MACROD1: variants seen among roughly 807,000 people sequenced by gnomAD.
The protein encoded by MACROD1 is mono-ADP ribosylhydrolase 1, also known as ADP-ribose glycohydrolase MACROD1.
MACROD1 carries 31 observed loss-of-function variants against 41.4 expected under a neutral mutation model. The ratio of observed to expected loss-of-function variants is 0.75; its 90% CI spans 0.56 to 1.01. The LOEUF is 1.01. Among genes scored for constraint, MACROD1 ranks in the 50% least tolerant of loss-of-function variants. The pLI, the probability that MACROD1 is intolerant of heterozygous loss-of-function variation, is 0.00. For missense variants in MACROD1, 473 were observed against 460.0 expected (o/e 1.03, Z -0.26); for synonymous variants, 252 against 203.4 (o/e 1.24, Z -2.03).
At chr11:64,119,494 T>C (rs1319711779) in intron 3 of MACROD1, among the ~76,000 whole-genome samples, 1 of 150,946 alleles carries the variant, frequency 6.6e-6, no homozygotes, top group Middle Eastern at 3.2e-3. Context: ...TGTTCCCTCC[T>C]AGGACGGGTA....
intron 3 of MACROD1, chr11:64,118,357 C>T (rs1945036029): frequency 6.8e-7 from 1 of 1,476,518 alleles, no homozygotes; most frequent in Non-Finnish European, 9.0e-7. Flanking sequence ...GTGGCTTTGC[C>T]CAGCCTGCTG....
At chr11:64,157,186 G>T (rs1945682465) in intron 1 of MACROD1, among the ~76,000 whole-genome samples, 1 of 152,094 alleles carries the variant, frequency 6.6e-6, no homozygotes, top group African/African-American at 2.4e-5. Context: ...TCTGCCTCCT[G>T]GGTTCAAGCA....
At chr11:64,075,997 G>C (rs925312032) in intron 3 of MACROD1, among the ~76,000 whole-genome samples, 3 of 152,210 alleles carry the variant, frequency 2.0e-5, no homozygotes, top group Non-Finnish European at 1.5e-5. Context: ...TTGGCATGCT[G>C]CTACCTCAGG....
At chr11:64,009,965 G>A (rs1380362035) in intron 4 of MACROD1, among the ~76,000 whole-genome samples, 1 of 152,250 alleles carries the variant, frequency 6.6e-6, no homozygotes, top group Non-Finnish European at 1.5e-5. Context: ...TGGCCGGGGT[G>A]TTGGCTGGGA....
intron 3 of MACROD1, among the ~76,000 whole-genome samples, chr11:64,137,845 C>T (rs542020410): frequency 1.2e-4 from 18 of 152,320 alleles, no homozygotes; most frequent in Middle Eastern, 3.4e-3. Flanking sequence ...TTAGGAGATA[C>T]CCAGCTCAGC....
chr11:64,148,758 A>T (rs1237280584), intron 3 of MACROD1: 11 of 985,650 alleles, frequency 1.1e-5, no homozygotes, highest in Non-Finnish European at 1.3e-5. Flanking sequence ...GTTGCCAACG[A>T]CTTTTATTCC....
chr11:64,097,906 G>C (rs1223296255), intron 3 of MACROD1, among the ~76,000 whole-genome samples: 2 of 152,114 alleles, frequency 1.3e-5, no homozygotes, highest in African/African-American at 4.8e-5. Context: ...GGTGCTCCTG[G>C]GAGCACTCAG....
At chr11:64,100,783 T>C (rs1434466662) in intron 3 of MACROD1, among the ~76,000 whole-genome samples, 1 of 152,066 alleles carries the variant, frequency 6.6e-6, no homozygotes, top group Non-Finnish European at 1.5e-5. Context: ...GCCCCACTTA[T>C]CCAGGGCACA....
chr11:64,039,596 CCT>C (rs1943447465), intron 3 of MACROD1, among the ~76,000 whole-genome samples: 1 of 152,136 alleles, frequency 6.6e-6, no homozygotes, highest in Non-Finnish European at 1.5e-5. Context: ...GGACAGCACC[CCT>C]GTTTTGCCCT....
At chr11:64,040,820 G>T (rs1317290605) in intron 3 of MACROD1, among the ~76,000 whole-genome samples, 1 of 152,048 alleles carries the variant, frequency 6.6e-6, no homozygotes, top group East Asian at 1.9e-4. Context: ...TGTCCTGGAG[G>T]GCCCCGGACC....
intron 1 of MACROD1, among the ~76,000 whole-genome samples, chr11:64,161,406 G>A (rs556346515): frequency 7.9e-5 from 12 of 152,308 alleles, no homozygotes; most frequent in East Asian, 5.8e-4. Flanking sequence ...GACTTCTGGC[G>A]TGATGGCAAT....
At chr11:64,152,747 G>T (rs1945601955) in intron 1 of MACROD1, among the ~76,000 whole-genome samples, 1 of 152,180 alleles carries the variant, frequency 6.6e-6, no homozygotes, top group South Asian at 2.1e-4. Context: ...GTCCCCTGCA[G>T]AACAGCTCCG....
At chr11:64,125,006 C>T (rs1259635801) in intron 3 of MACROD1, among the ~76,000 whole-genome samples, 2 of 152,158 alleles carry the variant, frequency 1.3e-5, no homozygotes, top group Admixed American at 1.3e-4. Flanking sequence ...TCCACGTCTC[C>T]CCCGGAGACC....
At position 64,144,716 on chromosome 11, in the gene MACROD1, A is replaced by G. The variant is rs2134688274; in HGVS notation, c.517+6523T>C. On this transcript the variant is annotated intron_variant, in intron 3 of 10. Coordinates refer to ENST00000255681, the MANE Select transcript of MACROD1 (RefSeq NM_014067.4). ...GTTCCAGCTGCAAAGTCTGCTGTAC[A>G]GCCAGCCCTGGACTCGTCGCTGGCC... is the stretch of plus-strand genomic sequence containing the variant. Among the ~76,000 whole-genome samples, 5 of 152,374 alleles carry G rather than the reference A, an allele frequency of 3.3e-5. No homozygotes were observed. In the South Asian group the frequency reaches 1.0e-3, roughly 32 times the overall value.
chr11:64,116,528 C>T, intron 3 of MACROD1: 1 of 1,614,046 alleles, frequency 6.2e-7, no homozygotes, highest in Non-Finnish European at 8.5e-7. Flanking sequence ...CCACCCTCTA[C>T]CTGCAGAACA....
intron 3 of MACROD1, among the ~76,000 whole-genome samples, chr11:64,019,684 C>T (rs1943127998): frequency 6.6e-6 from 1 of 152,288 alleles, no homozygotes; most frequent in Admixed American, 6.5e-5. Context: ...GAGAAAAGAA[C>T]AGTATGGAGT....
rs1183491970 is a variant in MACROD1 at position 64,064,192 on chromosome 11, A to G, written c.518-48911T>C. Among the ~76,000 whole-genome samples the G allele has an allele frequency of 1.3e-5, 2 of 152,100 alleles. No homozygotes were observed. The highest frequency in any genetic ancestry group is 2.9e-5 in the Non-Finnish European group (2 of 68,024). On this transcript the variant is annotated intron_variant, in intron 3 of 10. Transcript: ENST00000255681. The surrounding 1 kb of genome is among the most constrained non-coding windows in gnomAD (Gnocchi z 4.5). ...GAGGACAGATGCAGGCTGGGTTTAC[A>G]TGAATAAAACATCAGTGTAGGGGAA...
intron 3 of MACROD1, among the ~76,000 whole-genome samples, chr11:64,139,444 G>A (rs1463234658): frequency 1.3e-5 from 2 of 152,142 alleles, no homozygotes; most frequent in Non-Finnish European, 2.9e-5. Flanking sequence ...GGCATGCTCG[G>A]GCTGCCCCCA....
intron 1 of MACROD1, among the ~76,000 whole-genome samples, chr11:64,165,160 C>T (rs1341311531): frequency 6.6e-6 from 1 of 152,208 alleles, no homozygotes; most frequent in African/African-American, 2.4e-5. Flanking sequence ...GCAGGACAGG[C>T]CAGCCCAGGA....
Sources: gnomAD v4.1 joint callset for allele counts (sites outside exome capture counted in the v4.1 genomes callset) on GRCh38, gnomAD v4.1.1 for gene constraint, Gnocchi (gnomAD v3.1) non-coding constraint, MANE v1.5 for transcripts, NCBI Gene and HGNC (gene_info 2026-07-23, HGNC 2026-07-21) for gene names.